Variants in TXLNA observed in about 807,000 individuals in gnomAD.
TXLNA encodes the protein taxilin alpha, also known as alpha-taxilin.
TXLNA carries 9 observed loss-of-function variants against 61.4 expected under a neutral mutation model. The observed-to-expected ratio is 0.15, with a 90% CI of 0.09 to 0.26. TXLNA has a LOEUF of 0.26. Among genes scored for constraint, TXLNA ranks in the 10% least tolerant of loss-of-function variants. The probability of loss-of-function intolerance (pLI) is 1.00; values close to 1 mark genes in which losing one functional copy is unlikely to be tolerated. For missense variants in TXLNA, 565 were observed against 688.8 expected (o/e 0.82, Z 2.01); for synonymous variants, 257 against 267.7 (o/e 0.96, Z 0.39).
intron 1 of TXLNA, chr1:32,180,081 C>G: frequency 2.8e-6 from 1 of 355,538 alleles, no homozygotes; most frequent in South Asian, 4.7e-5. Context: ...GGAAGTGGCT[C>G]CAGGGAGAAG....
At chr1:32,193,178 T>C in intron 8 of TXLNA, 30 bp from the exon 9 acceptor site, 1 of 1,532,570 alleles carries the variant, frequency 6.5e-7, no homozygotes, top group South Asian at 1.1e-5. Context: ...AGAAACCCAG[T>C]CTTATCTGTG....
At chr1:32,180,208 G>A in intron 1 of TXLNA, 106 bp from the exon 2 acceptor site, 2 of 1,228,444 alleles carry the variant, frequency 1.6e-6, no homozygotes, top group Non-Finnish European at 2.2e-6. Context: ...CGGGCCTGCC[G>A]GTCCGTTTAT....
At position 32,181,595 on chromosome 1, in the gene TXLNA, CTT is replaced by C. The variant is rs1476405426; in HGVS notation, c.505+20_505+21del. ...GGGTTTGGGTGAGCAGAGGGCGGCT[CTT>C]TGTGAAGCTGGTGAGGAGAGGGAGT... On this transcript the variant is annotated intron_variant, in intron 3 of 10. Transcript: ENST00000373610. 16 of 1,505,378 alleles carry C rather than the reference CTT, an allele frequency of 1.1e-5. No individual in the cohort carries two copies. The highest frequency in any genetic ancestry group is 1.4e-5 in the Non-Finnish European group (16 of 1,123,918). The allele number at this position is 1,505,378 out of a possible 1,614,324, so 93.3% of individuals were successfully genotyped here. A position where few individuals can be genotyped will look rare whatever the true frequency, so the allele number is the denominator to read the frequency against.
chr1:32,180,304 G>T lies in TXLNA; in HGVS notation c.-32-10G>T. On this transcript the variant is annotated splice_polypyrimidine_tract_variant and intron_variant, in intron 1 of 10. Transcript: ENST00000373610. ...AGTCTGGAAAATAGCAACTGTGTTT[G>T]TTTCTAAAGGATCTTCTCCTGACCC... 6.4e-7 allele frequency: 1 copy of T among 1,556,270 alleles called. No individual in the cohort carries two copies. The highest frequency in any genetic ancestry group is 1.4e-5 in the African/African-American group (1 of 72,308).
At position 32,195,260 on chromosome 1, in the gene TXLNA, GC is replaced by G; in HGVS notation, c.*66del. 6.7e-7 allele frequency: 1 copy of G among 1,487,736 alleles called. No individual in the cohort carries two copies. The highest frequency in any genetic ancestry group is 9.0e-7 in the Non-Finnish European group (1 of 1,116,024). 92.2% of individuals were successfully genotyped at this position (1,487,736 alleles called of 1,614,324 possible). On this transcript the variant is annotated 3_prime_UTR_variant, in exon 11 of 11. Transcript: ENST00000373610. ...CCCAGCCAGGCCTGGCCCATAAAAG[GC>G]TCCCATGCTGAGCAGCCCATTGCTG...
At chr1:32,191,307 G>C (rs1423123415) in intron 6 of TXLNA, among the ~76,000 whole-genome samples, 4 of 152,064 alleles carry the variant, frequency 2.6e-5, no homozygotes, top group Non-Finnish European at 4.4e-5. Context: ...GTGTGGCAGT[G>C]GGTGAGACCG....
In TXLNA at chr1:32,192,292, C is replaced by T; in HGVS notation, c.964-19C>T. 1.2e-6 allele frequency: 2 copies of T among 1,612,068 alleles called. No individual in the cohort carries two copies. Among genetic ancestry groups the T allele is most frequent in the Non-Finnish European group, 1.7e-6 (2 of 1,178,462 alleles). ...GGGAGCGCCTGACAAGCCGACTGCT[C>T]CCACCATCTTTGTTGCAGCATATCG... On this transcript the variant is annotated intron_variant, in intron 6 of 10. Transcript: ENST00000373610. The surrounding 1 kb of genome is among the most constrained non-coding windows in gnomAD (Gnocchi z 4.2).
intron 3 of TXLNA, 63 bp from the exon 4 acceptor site, chr1:32,184,462 A>C: frequency 9.2e-7 from 1 of 1,088,364 alleles, no homozygotes; most frequent in South Asian, 1.3e-5. Context: ...CATGAGTGTG[A>C]GCCCAGGCCT....
rs1218248355 is a variant in TXLNA at position 32,190,330 on chromosome 1, T to A, written c.963+81T>A. On this transcript the variant is annotated intron_variant, in intron 6 of 10. Transcript: ENST00000373610. The stretch of plus-strand genomic sequence containing the variant: ...TGCTAGGCACTGGGACAGTACCTTT[T>A]CAGGCTTCATCCCATTCTCCCTTTC... 12 of 1,311,292 alleles carry A rather than the reference T, an allele frequency of 9.2e-6. No homozygotes were observed. In the East Asian group the frequency reaches 3.1e-4, roughly 34 times the overall value. The allele number at this position is 1,311,292 out of a possible 1,614,324, so 81.2% of individuals were successfully genotyped here. A position where few individuals can be genotyped will look rare whatever the true frequency, so the allele number is the denominator to read the frequency against.
At chr1:32,185,558 A>ATTT (rs755164801) in intron 4 of TXLNA, among the ~76,000 whole-genome samples, 5 of 82,748 alleles carry the variant, frequency 6.0e-5, no homozygotes, top group East Asian at 3.2e-4. Context: ...ATGCTAGGCT[A>ATTT]TTTTTTTTTT....
At chr1:32,188,525 C>A (rs1210090425) in intron 5 of TXLNA, among the ~76,000 whole-genome samples, 1 of 152,000 alleles carries the variant, frequency 6.6e-6, no homozygotes, top group Non-Finnish European at 1.5e-5. Context: ...ATAATCCCAG[C>A]TACTCAGGTG....
At position 32,195,963 on chromosome 1, in the gene TXLNA, CTTTA is replaced by C. The variant is rs1232593995; in HGVS notation, c.*772_*775del. On this transcript the variant is annotated 3_prime_UTR_variant, in exon 11 of 11. Transcript: ENST00000373610. ...GGATTATTTCTGAAGGTGTTTTTTT[CTTTA>C]TTTCTTTTTCTTTTTTTTTTTTTTT... is the stretch of plus-strand genomic sequence containing the variant. 1.2e-5 allele frequency: 2 copies of C among 166,686 alleles called. No individual in the cohort carries two copies. Among genetic ancestry groups the C allele is most frequent in the African/African-American group, 5.0e-5 (2 of 40,090 alleles). 10.3% of individuals were successfully genotyped at this position (166,686 alleles called of 1,614,324 possible). A position where few individuals can be genotyped will look rare whatever the true frequency, so the allele number is the denominator to read the frequency against.
At chr1:32,194,209 A>T in intron 10 of TXLNA, 49 bp downstream of exon 10, 1 of 1,471,442 alleles carries the variant, frequency 6.8e-7, no homozygotes, top group Non-Finnish European at 9.4e-7. Context: ...CACTTAGCGC[A>T]TATCAGGCCC....
In TXLNA at chr1:32,197,467, G is replaced by A. The variant is rs1224658566; in HGVS notation, c.*2272G>A. ...GTCTAGACCTTCAGGCCAGTCTGCA[G>A]ATGAGGTTCCCTACCTTTTTCTTCT... On this transcript the variant is annotated 3_prime_UTR_variant, in exon 11 of 11. Coordinates refer to ENST00000373610, the MANE Select transcript of TXLNA (RefSeq NM_175852.4). The surrounding 1 kb of genome is among the most constrained non-coding windows in gnomAD (Gnocchi z 4.6). 6.6e-6 allele frequency: 1 copy of A among 152,314 alleles called. No individual in the cohort carries two copies. The highest frequency in any genetic ancestry group is 1.5e-5 in the Non-Finnish European group (1 of 68,102). 9.4% of individuals were successfully genotyped at this position (152,314 alleles called of 1,614,324 possible).
chr1:32,191,329 C>G (rs1642902628), intron 6 of TXLNA, among the ~76,000 whole-genome samples: 1 of 152,116 alleles, frequency 6.6e-6, no homozygotes, highest in South Asian at 2.1e-4. Context: ...GAAGATCTGC[C>G]CTCTTAGGTT....
At chr1:32,182,750 T>G (rs546641769) in intron 3 of TXLNA, among the ~76,000 whole-genome samples, 4 of 151,836 alleles carry the variant, frequency 2.6e-5, no homozygotes, top group Non-Finnish European at 5.9e-5. Context: ...ATGTATCCTC[T>G]TACTTTAAAG....
chr1:32,194,000 C>G (rs1642961182), intron 9 of TXLNA, 65 bp from the exon 10 acceptor site: 2 of 1,353,720 alleles, frequency 1.5e-6, no homozygotes, highest in South Asian at 2.5e-5. Context: ...CAGTCCCCAC[C>G]TTGGAGACAC....
At chr1:32,191,017 C>T in intron 6 of TXLNA, among the ~76,000 whole-genome samples, 1 of 151,618 alleles carries the variant, frequency 6.6e-6, no homozygotes, top group African/African-American at 2.4e-5. Flanking sequence ...TTGCTTGAAC[C>T]CAGGAGGCAG....
At position 32,192,807 on chromosome 1, in the gene TXLNA, C is replaced by A; in HGVS notation, c.1158+76C>A. 1 of 1,478,450 alleles carries A rather than the reference C, an allele frequency of 6.8e-7. No individual in the cohort carries two copies. Among genetic ancestry groups the A allele is most frequent in the Non-Finnish European group, 9.4e-7 (1 of 1,059,416 alleles). 91.6% of individuals were successfully genotyped at this position (1,478,450 alleles called of 1,614,324 possible). On this transcript the variant is annotated intron_variant, in intron 8 of 10. Transcript: ENST00000373610. The surrounding 1 kb of genome is among the most constrained non-coding windows in gnomAD (Gnocchi z 4.2). ...CCATCCTGGGGGTAGTGAAATGGGACCCTCATTCTAGGACTGGCTGTGTCC... is the reference window on the plus strand; with the variant it reads ...CCATCCTGGGGGTAGTGAAATGGGAACCTCATTCTAGGACTGGCTGTGTCC...
Sources: allele counts gnomAD v4.1 joint callset (sites outside exome capture counted in the v4.1 genomes callset), GRCh38; gene constraint gnomAD v4.1.1; non-coding constraint Gnocchi (gnomAD v3.1); transcripts MANE v1.5; gene names NCBI Gene and HGNC (gene_info 2026-07-23, HGNC 2026-07-21).